The following DIP2C variants were observed in gnomAD, a reference collection of about 807,000 sequenced individuals.
The protein encoded by DIP2C is disco-interacting protein 2 homolog C.
A neutral mutation model predicts 192.4 loss-of-function variants in DIP2C; 33 were observed. That is an observed-to-expected ratio of 0.17 (90% CI 0.13 to 0.23). DIP2C has a LOEUF of 0.23. DIP2C is among the 10% of genes least tolerant of loss of function. The pLI is 1.00. For synonymous variants in DIP2C, 979 were observed against 864.1 expected (o/e 1.13, Z -2.33); for missense variants, 1,537 against 2,110.1 (o/e 0.73, Z 5.32).
chr10:379,186 G>GGCCCCC (rs1962066806), intron 17 of DIP2C, among the ~76,000 whole-genome samples: 1 of 9,114 alleles, frequency 1.1e-4, no homozygotes. Context: ...CGAGTGCCAC[G>GGCCCCC]CCCCCCCCCC....
chr10:591,479 A>G (rs576260359), intron 1 of DIP2C, among the ~76,000 whole-genome samples: 2 of 152,336 alleles, frequency 1.3e-5, no homozygotes, highest in East Asian at 1.9e-4. Flanking sequence ...TATTTTGTTA[A>G]AAACCAGTTA....
At chr10:568,583 C>T (rs909996774) in intron 1 of DIP2C, among the ~76,000 whole-genome samples, 5 of 151,504 alleles carry the variant, frequency 3.3e-5, no homozygotes, top group South Asian at 2.1e-4. Context: ...CTGGCTGACA[C>T]GGTGAAACCC....
intron 18 of DIP2C, among the ~76,000 whole-genome samples, chr10:367,561 C>T (rs577423759): frequency 3.9e-4 from 59 of 152,280 alleles, no homozygotes; most frequent in African/African-American, 1.2e-3. Context: ...GGTACAGCTT[C>T]ACAACCTTCG....
chr10:325,070 G>T (rs12250433), intron 31 of DIP2C: 23 of 442,436 alleles, frequency 5.2e-5, no homozygotes, highest in Non-Finnish European at 1.0e-4. Context: ...TCAAAACCAT[G>T]CTGGCTAACA....
At chr10:671,168 CAG>C (rs1236864368) in intron 1 of DIP2C, among the ~76,000 whole-genome samples, 1 of 152,236 alleles carries the variant, frequency 6.6e-6, no homozygotes, top group Non-Finnish European at 1.5e-5. Context: ...CCCTGCCACA[CAG>C]GGGACACATG....
intron 1 of DIP2C, among the ~76,000 whole-genome samples, chr10:575,663 G>A (rs74115065): frequency 0.083 from 12,678 of 152,196 alleles, 849 homozygotes; most frequent in African/African-American, 0.18. Flanking sequence ...GAAGGGAGCA[G>A]AGTCCAAGCT....
At chr10:592,165 A>G (rs549383418) in intron 1 of DIP2C, among the ~76,000 whole-genome samples, 3 of 151,402 alleles carry the variant, frequency 2.0e-5, no homozygotes, top group African/African-American at 7.3e-5. Flanking sequence ...ATTAGGAAGC[A>G]TATTAATATA....
chr10:377,775 C>T lies in DIP2C; in HGVS notation c.1991+4872G>A, dbSNP rs367544744. 1.1e-4 allele frequency among the ~76,000 whole-genome samples: 16 copies of T among 152,268 alleles called. No individual in the cohort carries two copies. The South Asian group carries it at 3.1e-3, about 30-fold the overall frequency. On this transcript the variant is annotated intron_variant, in intron 17 of 36. Coordinates refer to ENST00000280886, the MANE Select transcript of DIP2C (RefSeq NM_014974.3). Reference sequence around the variant, plus strand: ...CTTTGATTTTTCTCCCAGCTAACTTCGAGCTTGGATACTTTCAAAAACTAG... The same window carrying T: ...CTTTGATTTTTCTCCCAGCTAACTTTGAGCTTGGATACTTTCAAAAACTAG...
At chr10:306,642 C>T (rs531416931) in intron 32 of DIP2C, among the ~76,000 whole-genome samples, 2 of 152,230 alleles carry the variant, frequency 1.3e-5, no homozygotes, top group Non-Finnish European at 2.9e-5. Context: ...AAGATCAGTG[C>T]TTTTAGTGGC....
chr10:408,891 T>A (rs1564673026), intron 9 of DIP2C, 35 bp downstream of exon 9: 2 of 1,605,896 alleles, frequency 1.2e-6, no homozygotes, highest in Non-Finnish European at 1.7e-6. Context: ...AGGACTCTTG[T>A]GTTTTGTAGA....
chr10:521,468 G>C (rs1406081916), intron 1 of DIP2C, among the ~76,000 whole-genome samples: 4 of 152,126 alleles, frequency 2.6e-5, no homozygotes, highest in Non-Finnish European at 5.9e-5. Flanking sequence ...TACAAGTCTC[G>C]CTTCCTCTCT....
chr10:578,339 G>A (rs934839249), intron 1 of DIP2C, among the ~76,000 whole-genome samples: 5 of 152,202 alleles, frequency 3.3e-5, no homozygotes, highest in East Asian at 1.9e-4. Flanking sequence ...AAATGAACAC[G>A]TTTCCTGATG....
At chr10:484,831 T>TCCC (rs1310407895) in intron 2 of DIP2C, 1 of 1,610,362 alleles carries the variant, frequency 6.2e-7, no homozygotes, top group Non-Finnish European at 8.5e-7. Context: ...GGCCACCCGC[T>TCCC]CCCGAGCCGC....
At chr10:452,128 C>T (rs185835751) in intron 3 of DIP2C, among the ~76,000 whole-genome samples, 1 of 152,292 alleles carries the variant, frequency 6.6e-6, no homozygotes, top group Admixed American at 6.5e-5. Context: ...AGATGTCAGA[C>T]TGTGGACTGC....
intron 32 of DIP2C, among the ~76,000 whole-genome samples, chr10:294,802 G>A (rs573642881): frequency 2.6e-5 from 4 of 151,984 alleles, no homozygotes; most frequent in African/African-American, 9.6e-5. Context: ...GGCCACAAAA[G>A]CAAAAATAAG....
intron 1 of DIP2C, among the ~76,000 whole-genome samples, chr10:678,968 T>C (rs182733317): frequency 0.045 from 18 of 400 alleles, no homozygotes; most frequent in Admixed American, 0.062. Context: ...CCCATGCTCC[T>C]CACACCCGTG....
chr10:553,234 A>C (rs977434532), intron 1 of DIP2C, among the ~76,000 whole-genome samples: 1 of 152,208 alleles, frequency 6.6e-6, no homozygotes, highest in African/African-American at 2.4e-5. Flanking sequence ...CTTGCTGTGC[A>C]AGCCCAGCAG....
chr10:332,176 G>A (rs777827071), intron 29 of DIP2C, among the ~76,000 whole-genome samples: 3 of 152,152 alleles, frequency 2.0e-5, no homozygotes, highest in East Asian at 1.9e-4. Flanking sequence ...GGTCTTGAAC[G>A]CCTAGGTTCA....
At chr10:464,816 T>C (rs371159488) in intron 3 of DIP2C, among the ~76,000 whole-genome samples, 14 of 152,098 alleles carry the variant, frequency 9.2e-5, no homozygotes, top group African/African-American at 3.4e-4. Flanking sequence ...CGACACATAC[T>C]CTCTCCCAAG....
Sources: gnomAD v4.1 joint callset for allele counts (sites outside exome capture counted in the v4.1 genomes callset) on GRCh38, gnomAD v4.1.1 for gene constraint, MANE v1.5 for transcripts, NCBI Gene and HGNC (gene_info 2026-07-23, HGNC 2026-07-21) for gene names.